CLEC16A: variants seen among roughly 807,000 people sequenced by gnomAD.
CLEC16A encodes the protein protein CLEC16A.
A neutral mutation model predicts 109.5 loss-of-function variants in CLEC16A; 51 were observed. The ratio of observed to expected loss-of-function variants is 0.47; its 90% CI spans 0.37 to 0.59. The LOEUF is 0.59. Among genes scored for constraint, CLEC16A ranks in the 20% least tolerant of loss-of-function variants. The pLI, the probability that CLEC16A is intolerant of heterozygous loss-of-function variation, is 0.00. For missense variants in CLEC16A, 1,339 were observed against 1,394.0 expected, an observed-to-expected ratio of 0.96 and a Z score of 0.63; for synonymous variants, 673 against 564.2, an observed-to-expected ratio of 1.19 and a Z score of -2.73.
intron 22 of CLEC16A, among the ~76,000 whole-genome samples, chr16:11,142,340 T>G (rs1163146149): frequency 6.6e-6 from 1 of 152,222 alleles, no homozygotes; most frequent in Non-Finnish European, 1.5e-5. Flanking sequence ...GTGATCATAC[T>G]TGCAGCCTCA....
At position 10,951,191 on chromosome 16, in the gene CLEC16A, A is replaced by C. The variant is rs191545788; in HGVS notation, c.80+6394A>C. Among the ~76,000 whole-genome samples, 13 of 152,184 alleles carry C rather than the reference A, an allele frequency of 8.5e-5. No individual in the cohort carries two copies. In the East Asian group the frequency reaches 2.5e-3, roughly 29 times the overall value. On this transcript the variant is annotated intron_variant, in intron 1 of 23. Transcript: ENST00000409790. ...CAGTTTCTCTTCTCCAGGCATTTCA[A>C]ACTCTGAAGCTCATCTGTCGGTGGA...
At chr16:11,054,414 A>G (rs1328106826) in intron 18 of CLEC16A, among the ~76,000 whole-genome samples, 1 of 152,092 alleles carries the variant, frequency 6.6e-6, no homozygotes, top group Non-Finnish European at 1.5e-5. Flanking sequence ...TTTGCCCCTC[A>G]CATGTCACAG....
chr16:11,106,352 G>A (rs1023121504), intron 19 of CLEC16A, among the ~76,000 whole-genome samples: 3 of 151,912 alleles, frequency 2.0e-5, no homozygotes, highest in Admixed American at 2.0e-4. Context: ...GCAGTGTTTT[G>A]ATCATAGCTC....
At chr16:11,027,566 C>T in intron 13 of CLEC16A, 2 of 1,555,868 alleles carry the variant, frequency 1.3e-6, no homozygotes, top group Non-Finnish European at 1.8e-6. Flanking sequence ...GGAAGTTTGG[C>T]ATCATTTGCT....
intron 23 of CLEC16A, among the ~76,000 whole-genome samples, chr16:11,172,298 A>C (rs1311159797): frequency 6.6e-6 from 1 of 152,198 alleles, no homozygotes. Context: ...ACCTACACAT[A>C]CACACTCACA....
intron 19 of CLEC16A, 39 bp from the exon 20 acceptor site, chr16:11,120,576 A>G (rs199516790): frequency 3.1e-5 from 49 of 1,571,482 alleles, no homozygotes; most frequent in African/African-American, 6.8e-5. Flanking sequence ...CTGGGCAGCC[A>G]GACTGTGCCT....
intron 23 of CLEC16A, among the ~76,000 whole-genome samples, chr16:11,177,984 G>A (rs937686101): frequency 1.3e-5 from 2 of 152,056 alleles, no homozygotes; most frequent in Non-Finnish European, 2.9e-5. Context: ...TTATCATCAG[G>A]CAGGCCTGAG....
At chr16:11,119,304 A>G (rs979548751) in intron 19 of CLEC16A, among the ~76,000 whole-genome samples, 5 of 152,098 alleles carry the variant, frequency 3.3e-5, no homozygotes, top group Admixed American at 3.3e-4. Context: ...CACCCAGCCT[A>G]TATGTCTATT....
intron 3 of CLEC16A, among the ~76,000 whole-genome samples, chr16:10,968,093 G>T (rs1163856617): frequency 6.6e-6 from 1 of 152,210 alleles, no homozygotes; most frequent in Non-Finnish European, 1.5e-5. Flanking sequence ...CTGGGGGCCG[G>T]GCAGGTGAGC....
At chr16:11,146,824 C>G (rs1179768197) in intron 22 of CLEC16A, among the ~76,000 whole-genome samples, 1 of 152,128 alleles carries the variant, frequency 6.6e-6, no homozygotes. Flanking sequence ...ATCCCCCCTT[C>G]TGTGTGCTAA....
At chr16:10,948,454 G>A (rs975538580) in intron 1 of CLEC16A, among the ~76,000 whole-genome samples, 31 of 152,312 alleles carry the variant, frequency 2.0e-4, no homozygotes, top group African/African-American at 7.0e-4. Context: ...CACCATGGGT[G>A]GTTTATTGTC....
intron 19 of CLEC16A, among the ~76,000 whole-genome samples, chr16:11,067,160 T>C (rs1165083099): frequency 1.4e-5 from 2 of 147,984 alleles, no homozygotes; most frequent in Non-Finnish European, 3.0e-5. Context: ...GTGGGGGTTT[T>C]TTTTTTGGTT....
At chr16:11,078,984 C>T (rs2152940491) in intron 19 of CLEC16A, among the ~76,000 whole-genome samples, 1 of 152,182 alleles carries the variant, frequency 6.6e-6, no homozygotes, top group South Asian at 2.1e-4. Context: ...AATCACTTGC[C>T]CTCTCGAGCC....
intron 10 of CLEC16A, among the ~76,000 whole-genome samples, chr16:10,997,905 T>C (rs2044424397): frequency 6.6e-6 from 1 of 152,272 alleles, no homozygotes; most frequent in Non-Finnish European, 1.5e-5. Flanking sequence ...TTGCTTTTTC[T>C]TGTGCAGCCT....
Position 11,156,907 on chromosome 16 carries a change from C to G in CLEC16A, c.2642-9481C>G, listed in dbSNP as rs571577925. ...CACGCATTCCTCATATTCACACAGC[C>G]CAAATGCCCGCCCCCCCCCCCACCC... On this transcript the variant is annotated intron_variant, in intron 22 of 23. Coordinates refer to ENST00000409790, the MANE Select transcript of CLEC16A (RefSeq NM_015226.3). Among the ~76,000 whole-genome samples, 7 of 144,544 alleles carry G rather than the reference C, an allele frequency of 4.8e-5. No individual in the cohort carries two copies. In the South Asian group the frequency reaches 1.7e-3, roughly 34 times the overall value. The allele number at this position is 144,544 out of a possible 152,430, so 94.8% of individuals were successfully genotyped here.
chr16:11,060,839 G>C, intron 18 of CLEC16A, 63 bp from the exon 19 acceptor site: 1 of 1,451,116 alleles, frequency 6.9e-7, no homozygotes, highest in Non-Finnish European at 9.2e-7. Flanking sequence ...TCTGGGTGTG[G>C]GGCATCTCAC....
At position 10,954,823 on chromosome 16, in the gene CLEC16A, C is replaced by G. The variant is rs537596518; in HGVS notation, c.81-2959C>G. 1.3e-5 allele frequency among the ~76,000 whole-genome samples: 2 copies of G among 152,326 alleles called. No individual in the cohort carries two copies. Among genetic ancestry groups the G allele is most frequent in the East Asian group, 3.9e-4 (2 of 5,192 alleles). On this transcript the variant is annotated intron_variant, in intron 1 of 23. Coordinates refer to ENST00000409790, the MANE Select transcript of CLEC16A (RefSeq NM_015226.3). This position sits in a 1 kb window ranked among gnomAD's most constrained non-coding sequence, Gnocchi z 4.2. ...ACTCCTGCCCTGAAGCCCTCTTTCC[C>G]TGTTTGAATCTAGCCTGATCTCTTT...
intron 18 of CLEC16A, among the ~76,000 whole-genome samples, chr16:11,053,581 G>A (rs1415370337): frequency 6.6e-6 from 1 of 151,968 alleles, no homozygotes; most frequent in Non-Finnish European, 1.5e-5. Flanking sequence ...ATGTTACCCA[G>A]GCTGGTCTTG....
intron 1 of CLEC16A, among the ~76,000 whole-genome samples, chr16:10,945,736 T>C (rs2041325899): frequency 6.6e-6 from 1 of 152,220 alleles, no homozygotes; most frequent in Non-Finnish European, 1.5e-5. Flanking sequence ...TATTATCAGC[T>C]CAGCGAGGCC....
Sources: gnomAD v4.1 joint callset for allele counts (sites outside exome capture counted in the v4.1 genomes callset) on GRCh38, gnomAD v4.1.1 for gene constraint, Gnocchi (gnomAD v3.1) non-coding constraint, MANE v1.5 for transcripts, NCBI Gene and HGNC (gene_info 2026-07-23, HGNC 2026-07-21) for gene names.